The following DNAH14 variants were observed in gnomAD, a reference collection of about 807,000 sequenced individuals.
DNAH14 encodes axonemal beta dynein heavy chain 14.
A neutral mutation model predicts 520.9 loss-of-function variants in DNAH14; 478 were observed. The observed-to-expected ratio is 0.92, with a 90% confidence interval of 0.85 to 0.99. The LOEUF (loss-of-function observed/expected upper bound fraction) is 0.99, where lower values mean the gene tolerates loss of function less well. Among genes scored for constraint, DNAH14 ranks in the 50% least tolerant of loss-of-function variants. The probability of loss-of-function intolerance (pLI) is 0.00; values close to 1 mark genes in which losing one functional copy is unlikely to be tolerated. For missense variants in DNAH14, 4,831 were observed against 5,234.5 expected (o/e 0.92, Z 2.38); for synonymous variants, 1,581 against 1,757.2 (o/e 0.90, Z 2.51).
At chr1:225,129,579 A>G (rs2078158687) in intron 27 of DNAH14, among the ~76,000 whole-genome samples, 1 of 152,222 alleles carries the variant, frequency 6.6e-6, no homozygotes, top group Admixed American at 6.5e-5. Flanking sequence ...AGGATTCCCT[A>G]TTTAATAAAT....
Position 225,274,194 on chromosome 1 carries a change from G to GTTTTTTTTTTTTTTTTTTTTTTTTTTT in DNAH14, c.8010+1071_8010+1072insTTTTTTTTTTTTTTTTTTTTTTTTTTT, listed in dbSNP as rs1193834939. On this transcript the variant is annotated intron_variant, in intron 52 of 85. Coordinates refer to ENST00000682510, the MANE Select transcript of DNAH14 (RefSeq NM_001367479.1). ...TTTCTCTGCATCCTCACCAGCATCTGTTATTTTTTTTTTTTTTTTTTTTTT... is the reference window on the plus strand; with the variant it reads ...TTTCTCTGCATCCTCACCAGCATCTGTTTTTTTTTTTTTTTTTTTTTTTTTTTTTATTTTTTTTTTTTTTTTTTTTTT... Among the ~76,000 whole-genome samples the GTTTTTTTTTTTTTTTTTTTTTTTTTTT allele has an allele frequency of 4.2e-5, 5 of 120,342 alleles. 1 individual carries two copies. Among genetic ancestry groups the GTTTTTTTTTTTTTTTTTTTTTTTTTTT allele is most frequent in the East Asian group, 2.7e-4 (1 of 3,662 alleles). 78.9% of individuals were successfully genotyped at this position (120,342 alleles called of 152,430 possible).
intron 43 of DNAH14, among the ~76,000 whole-genome samples, chr1:225,249,234 C>A (rs2092441157): frequency 6.6e-6 from 1 of 152,140 alleles, no homozygotes; most frequent in Non-Finnish European, 1.5e-5. Context: ...ATTCACTAAC[C>A]TGATCTTTTG....
chr1:224,930,954 T>A (rs1256857378), intron 1 of DNAH14, among the ~76,000 whole-genome samples: 1 of 152,172 alleles, frequency 6.6e-6, no homozygotes, highest in East Asian at 1.9e-4. Flanking sequence ...TAAAAAAATG[T>A]TACCTGTAAA....
chr1:224,997,364 A>G (rs183185516), intron 8 of DNAH14, among the ~76,000 whole-genome samples: 86 of 152,218 alleles, frequency 5.6e-4, no homozygotes, highest in Non-Finnish European at 5.0e-4. Context: ...GAACTGAGCC[A>G]TCTTGGGGAA....
intron 8 of DNAH14, among the ~76,000 whole-genome samples, chr1:225,000,795 GT>G (rs35726890): frequency 0.26 from 39,686 of 151,586 alleles, 8,066 homozygotes; most frequent in African/African-American, 0.56. Flanking sequence ...CAGCCATTGA[GT>G]TTTTTTTGTA....
At chr1:225,077,545 G>A (rs961977460) in intron 17 of DNAH14, among the ~76,000 whole-genome samples, 3 of 152,118 alleles carry the variant, frequency 2.0e-5, no homozygotes, top group African/African-American at 7.2e-5. Context: ...AAATAGTTAT[G>A]TTTACTCAGT....
intron 28 of DNAH14, among the ~76,000 whole-genome samples, chr1:225,143,471 G>A (rs2079630439): frequency 1.3e-5 from 2 of 151,764 alleles, no homozygotes; most frequent in South Asian, 4.1e-4. Context: ...AATATTCCCT[G>A]TTGTTCCAGA....
Position 224,964,547 on chromosome 1 carries a change from T to C in DNAH14, c.436T>C (p.Leu146=), listed in dbSNP as rs746464313. 1.1e-5 allele frequency: 17 copies of C among 1,610,444 alleles called. No individual in the cohort carries two copies. The highest frequency in any genetic ancestry group is 1.4e-5 in the Non-Finnish European group (17 of 1,177,880). Residue 146 remains leucine, a synonymous_variant, in exon 5 of 86, where the codon TTA becomes CTA. Transcript: ENST00000682510. The stretch of plus-strand genomic sequence containing the variant: ...AGAAAAGCTTGGTTGGCAAACTATA[T>C]TACCGCAGCACAGTTTGAAATACGG... ...LREKLGWQTI[L]PQHSLKYGSS...
intron 1 of DNAH14, among the ~76,000 whole-genome samples, chr1:224,946,198 G>A (rs56275175): frequency 0.055 from 8,367 of 152,164 alleles, 464 homozygotes; most frequent in East Asian, 0.23. Flanking sequence ...AATTATGGGC[G>A]CCCCTCCCTC....
intron 26 of DNAH14, among the ~76,000 whole-genome samples, chr1:225,121,606 C>A (rs551372811): frequency 3.9e-5 from 6 of 151,908 alleles, no homozygotes; most frequent in African/African-American, 1.4e-4. Context: ...TTTGGGAGGC[C>A]GAGGTGGGTG....
At chr1:225,241,905 G>T (rs903139210) in intron 43 of DNAH14, among the ~76,000 whole-genome samples, 2 of 152,132 alleles carry the variant, frequency 1.3e-5, no homozygotes, top group Non-Finnish European at 2.9e-5. Flanking sequence ...GTACACTTAG[G>T]CTACACTAAA....
At chr1:225,348,123 A>G (rs1257337831) in intron 71 of DNAH14, among the ~76,000 whole-genome samples, 1 of 152,194 alleles carries the variant, frequency 6.6e-6, no homozygotes, top group Non-Finnish European at 1.5e-5. Flanking sequence ...TTAATCAGAC[A>G]GAACAAAGAA....
intron 54 of DNAH14, among the ~76,000 whole-genome samples, chr1:225,283,289 C>A (rs2093664766): frequency 6.6e-6 from 1 of 151,974 alleles, no homozygotes; most frequent in Non-Finnish European, 1.5e-5. Context: ...ACAAAAGCCA[C>A]ACGTTAGATT....
intron 3 of DNAH14, among the ~76,000 whole-genome samples, chr1:224,958,339 G>A (rs562036623): frequency 1.1e-4 from 16 of 152,128 alleles, no homozygotes; most frequent in African/African-American, 3.1e-4. Flanking sequence ...TGAATTTTGG[G>A]GGTTACCAAT....
chr1:225,388,383 A>G lies in DNAH14; in HGVS notation c.13082A>G (p.His4361Arg). 1 of 1,503,016 alleles carries G rather than the reference A, an allele frequency of 6.7e-7. No homozygotes were observed. The highest frequency in any genetic ancestry group is 9.0e-7 in the Non-Finnish European group (1 of 1,109,506). The allele number at this position is 1,503,016 out of a possible 1,614,324, so 93.1% of individuals were successfully genotyped here. A position where few individuals can be genotyped will look rare whatever the true frequency, so the allele number is the denominator to read the frequency against. The change falls in exon 82 of 86, where the codon CAC becomes CGC. Residue 4361 changes from histidine to arginine, a missense_variant. Physicochemically the swap from His to Arg is conservative, Grantham distance 29 (BLOSUM62 0). Transcript: ENST00000682510. ...ACTGTCTTTAAATCCCAACAGAAAC[A>G]CGCCTACAGATCTTGTAAGCCACTG... Reference protein sequence around the residue: ...NMRVPTLWQKHAYRSCKPLSS... With the variant: ...NMRVPTLWQKRAYRSCKPLSS...
intron 58 of DNAH14, among the ~76,000 whole-genome samples, chr1:225,307,195 T>C (rs6660519): frequency 6.6e-6 from 1 of 152,066 alleles, no homozygotes; most frequent in Non-Finnish European, 1.5e-5. Context: ...AGTTGAGAAA[T>C]TTCCCCTCTA....
chr1:225,118,639 T>C (rs1434843731), intron 25 of DNAH14, among the ~76,000 whole-genome samples: 1 of 152,014 alleles, frequency 6.6e-6, no homozygotes, highest in Non-Finnish European at 1.5e-5. Flanking sequence ...TCCCGACACT[T>C]TGGGAGGCCG....
intron 15 of DNAH14, among the ~76,000 whole-genome samples, chr1:225,044,474 C>T (rs1199719081): frequency 6.6e-6 from 1 of 152,108 alleles, no homozygotes; most frequent in Non-Finnish European, 1.5e-5. Context: ...GCATCATTCT[C>T]CAGTCATGTC....
intron 11 of DNAH14, among the ~76,000 whole-genome samples, chr1:225,027,417 G>C (rs2066202793): frequency 1.3e-5 from 2 of 152,044 alleles, no homozygotes; most frequent in South Asian, 4.1e-4. Context: ...ATCAAGTTGA[G>C]GAAGTTCCTG....
Sources: gnomAD v4.1 joint callset for allele counts (sites outside exome capture counted in the v4.1 genomes callset) on GRCh38, gnomAD v4.1.1 for gene constraint, MANE v1.5 for transcripts, NCBI Gene and HGNC (gene_info 2026-07-23, HGNC 2026-07-21) for gene names.